RELN: variants seen among roughly 807,000 people sequenced by gnomAD.
RELN encodes the protein reelin.
Under a neutral mutation model 427.6 loss-of-function variants are expected in RELN, and 108 were observed. The ratio of observed to expected loss-of-function variants is 0.25; its 90% confidence interval spans 0.22 to 0.30. RELN has a LOEUF of 0.30. RELN is among the 10% of genes least tolerant of loss of function. The pLI is 1.00. For missense variants in RELN, 3,715 were observed against 4,302.8 expected (o/e 0.86, Z 3.82); for synonymous variants, 1,524 against 1,513.4 (o/e 1.01, Z -0.16).
intron 2 of RELN, among the ~76,000 whole-genome samples, chr7:103,849,977 A>T (rs1793781208): frequency 6.6e-6 from 1 of 152,118 alleles, no homozygotes; most frequent in South Asian, 2.1e-4. Flanking sequence ...TTCCTATGCA[A>T]CTCCTTCCTG....
intron 16 of RELN, among the ~76,000 whole-genome samples, chr7:103,641,472 T>G (rs1008078953): frequency 2.0e-5 from 3 of 152,168 alleles, no homozygotes; most frequent in Non-Finnish European, 2.9e-5. Context: ...GGAAAGATCT[T>G]GGTGATGGAA....
intron 3 of RELN, among the ~76,000 whole-genome samples, chr7:103,791,983 A>G (rs956264155): frequency 6.6e-6 from 1 of 152,216 alleles, no homozygotes; most frequent in Non-Finnish European, 1.5e-5. Flanking sequence ...AAGATGCTCA[A>G]CATCATTAAT....
At chr7:103,703,733 C>T (rs1329066506) in intron 8 of RELN, among the ~76,000 whole-genome samples, 3 of 152,182 alleles carry the variant, frequency 2.0e-5, no homozygotes, top group Non-Finnish European at 4.4e-5. Flanking sequence ...CCAATGTAAT[C>T]CTTCACTCTG....
At chr7:103,668,931 A>C (rs1170278180) in intron 11 of RELN, among the ~76,000 whole-genome samples, 4 of 152,208 alleles carry the variant, frequency 2.6e-5, no homozygotes, top group Admixed American at 2.6e-4. Context: ...AAATTGAAAA[A>C]GAATTTTCAT....
At chr7:103,559,400 T>C (rs1353601264) in intron 36 of RELN, among the ~76,000 whole-genome samples, 2 of 152,240 alleles carry the variant, frequency 1.3e-5, no homozygotes, top group African/African-American at 2.4e-5. Context: ...AGATTCATAC[T>C]TCAGGACAGG....
Position 103,839,068 on chromosome 7 carries a change from A to G in RELN, c.338-5396T>C, listed in dbSNP as rs112091832. 1.7e-3 allele frequency among the ~76,000 whole-genome samples: 253 copies of G among 152,346 alleles called. 1 individual carries two copies. Among genetic ancestry groups the G allele is most frequent in the African/African-American group, 5.9e-3 (245 of 41,582 alleles). The stretch of plus-strand genomic sequence containing the variant: ...TTCTAATGTCTAGCCAATAATTTGC[A>G]TTAGAAATGTGCCTTAGTAAAATGT... On this transcript the variant is annotated intron_variant, in intron 2 of 64. Coordinates refer to ENST00000428762, the MANE Select transcript of RELN (RefSeq NM_005045.4).
Position 103,839,302 on chromosome 7 carries a change from G to GTTTTTTTTTTT in RELN, c.338-5631_338-5630insAAAAAAAAAAA, listed in dbSNP as rs1793492405. Among the ~76,000 whole-genome samples the GTTTTTTTTTTT allele has an allele frequency of 2.8e-4, 21 of 75,042 alleles. 1 individual carries two copies. The highest frequency in any genetic ancestry group is 9.9e-4 in the African/African-American group (20 of 20,288). 49.2% of individuals were successfully genotyped at this position (75,042 alleles called of 152,430 possible). ...ACACTATGACTATACAGTGGTCTTT[G>GTTTTTTTTTTT]CTTTTTTTTTTTTTTTTTTTAACAT... On this transcript the variant is annotated intron_variant, in intron 2 of 64. Coordinates refer to ENST00000428762, the MANE Select transcript of RELN (RefSeq NM_005045.4).
At chr7:103,702,814 C>G (rs770602016) in intron 8 of RELN, among the ~76,000 whole-genome samples, 1 of 152,192 alleles carries the variant, frequency 6.6e-6, no homozygotes, top group Non-Finnish European at 1.5e-5. Context: ...CCAGCCTCAC[C>G]GGTTCTCACC....
At chr7:103,791,571 C>T (rs1792162380) in intron 3 of RELN, among the ~76,000 whole-genome samples, 1 of 152,022 alleles carries the variant, frequency 6.6e-6, no homozygotes, top group East Asian at 1.9e-4. Context: ...ACACCATATA[C>T]AAAAATTAAC....
chr7:103,702,143 G>A (rs2237632), intron 8 of RELN, among the ~76,000 whole-genome samples: 27,528 of 152,116 alleles, frequency 0.18, 3,219 homozygotes, highest in African/African-American at 0.32. Flanking sequence ...ATCTCAAATG[G>A]AAACCCACCT....
intron 3 of RELN, among the ~76,000 whole-genome samples, chr7:103,828,384 TATG>T (rs1357485932): frequency 2.0e-5 from 2 of 98,522 alleles, no homozygotes; most frequent in African/African-American, 7.8e-5. Flanking sequence ...AATGTTCAAA[TATG>T]ATCCTCCTGT....
chr7:103,985,951 G>A (rs1033362085), intron 1 of RELN, among the ~76,000 whole-genome samples: 2 of 152,172 alleles, frequency 1.3e-5, no homozygotes, highest in Non-Finnish European at 2.9e-5. Context: ...CCCATCATTT[G>A]CAACTTTCTA....
chr7:103,486,048 TG>T, intron 61 of RELN, 148 bp downstream of exon 61: 3 of 730,878 alleles, frequency 4.1e-6, no homozygotes, highest in Non-Finnish European at 4.8e-6. Context: ...GAAACATATA[TG>T]CTTCCTTGTC....
intron 2 of RELN, among the ~76,000 whole-genome samples, chr7:103,906,654 G>T (rs927870451): frequency 2.0e-5 from 3 of 152,124 alleles, no homozygotes; most frequent in Non-Finnish European, 2.9e-5. Flanking sequence ...AGTTGGACTG[G>T]AATTGACATG....
rs202116849 is a variant in RELN at position 103,565,278 on chromosome 7, A to G, written c.5210T>C (p.Ile1737Thr). The change falls in exon 34 of 65, where the codon ATT (isoleucine) becomes ACT (threonine). Residue 1737 changes from isoleucine (I) to threonine (T), a missense_variant and splice_region_variant. This residue lies in a region of RELN where 2,208 missense variants were observed against 2,361.7 expected (regional missense o/e 0.93). Transcript: ENST00000428762. ...CATGTAGCCAAATGACAATTCTCACATGGTGGAGAGTGGAAGGTAGACAGT... is the reference window on the plus strand; with the variant it reads ...CATGTAGCCAAATGACAATTCTCACGTGGTGGAGAGTGGAAGGTAGACAGT... ...RITVYLPLST[I>T]SPRTRFRWIQ... 5.0e-6 allele frequency: 8 copies of G among 1,614,140 alleles called. No individual in the cohort carries two copies. In the African/African-American group the frequency reaches 5.3e-5, roughly 11 times the overall value.
At chr7:103,848,411 G>A (rs1171532722) in intron 2 of RELN, among the ~76,000 whole-genome samples, 4 of 152,188 alleles carry the variant, frequency 2.6e-5, no homozygotes, top group Admixed American at 1.3e-4. Context: ...GGGAGGCCTG[G>A]AGAAGTAAAC....
At chr7:103,753,059 T>A in intron 5 of RELN, 123 bp downstream of exon 5, 2 of 970,272 alleles carry the variant, frequency 2.1e-6, no homozygotes, top group East Asian at 2.4e-5. Flanking sequence ...CCAATTTCAG[T>A]GACTGATCAA....
intron 2 of RELN, among the ~76,000 whole-genome samples, chr7:103,852,876 T>C (rs568786301): frequency 6.6e-6 from 1 of 152,078 alleles, no homozygotes; most frequent in South Asian, 2.1e-4. Flanking sequence ...TATTTCATCA[T>C]GTTTGCAGTT....
intron 16 of RELN, among the ~76,000 whole-genome samples, chr7:103,643,817 C>A (rs1832742193): frequency 6.6e-6 from 1 of 152,054 alleles, no homozygotes; most frequent in East Asian, 1.9e-4. Context: ...TCATAGTACA[C>A]AGTAGCCACA....
Sources: gnomAD v4.1 joint callset for allele counts (sites outside exome capture counted in the v4.1 genomes callset) on GRCh38, gnomAD v4.1.1 for gene constraint, gnomAD v4.1.1 regional missense constraint, MANE v1.5 for transcripts, NCBI Gene and HGNC (gene_info 2026-07-23, HGNC 2026-07-21) for gene names.